Variants in PHKA2 observed in about 807,000 individuals in gnomAD.
PHKA2 encodes phosphorylase b kinase regulatory subunit alpha, liver isoform.
A neutral mutation model predicts 102.0 loss-of-function variants in PHKA2; 31 were observed. The observed-to-expected ratio is 0.30, with a 90% CI of 0.23 to 0.41. The LOEUF is 0.41. Among genes scored for constraint, PHKA2 ranks in the 10% least tolerant of loss-of-function variants. The probability of loss-of-function intolerance (pLI) is 1.00; values close to 1 mark genes in which losing one functional copy is unlikely to be tolerated. For synonymous variants in PHKA2, 455 were observed against 416.2 expected (o/e 1.09, Z -1.13); for missense variants, 858 against 1,023.1 (o/e 0.84, Z 2.20).
At chrX:18,942,888 C>T (rs377590857) in intron 7 of PHKA2, among the ~76,000 whole-genome samples, 4 of 108,146 alleles carry the variant, frequency 3.7e-5, no homozygotes, top group South Asian at 4.1e-4. Context: ...CAAGAAATAC[C>T]GGGACTACCT....
chrX:18,894,537 G>T, intron 31 of PHKA2, 133 bp from the exon 32 acceptor site: 1 of 563,190 alleles, frequency 1.8e-6, no homozygotes, highest in Non-Finnish European at 3.0e-6. Flanking sequence ...CCCTTTTCTG[G>T]CCACTCCCTG....
At position 18,892,981 on chromosome X, in the gene PHKA2, G is replaced by C. The variant is rs2047454013; in HGVS notation, c.*504C>G. On this transcript the variant is annotated 3_prime_UTR_variant, in exon 33 of 33. Transcript: ENST00000379942. ...CAAGAAAACCCCCATTCCACAGAGAGACACAAGTGTTCTATTTGGTGAAGA... is the reference window on the plus strand; with the variant it reads ...CAAGAAAACCCCCATTCCACAGAGACACACAAGTGTTCTATTTGGTGAAGA... 1 of 132,836 alleles carries C rather than the reference G, an allele frequency of 7.5e-6. No individual in the cohort carries two copies. Among genetic ancestry groups the C allele is most frequent in the Non-Finnish European group, 1.5e-5 (1 of 65,201 alleles). 10.9% of individuals were successfully genotyped at this position (132,836 alleles called of 1,213,427 possible). A position where few individuals can be genotyped will look rare whatever the true frequency, so the allele number is the denominator to read the frequency against.
At chrX:18,929,752 T>G (rs778966577) in intron 12 of PHKA2, among the ~76,000 whole-genome samples, 1 of 111,788 alleles carries the variant, frequency 8.9e-6, no homozygotes, top group African/African-American at 3.3e-5. Flanking sequence ...CTCCTGCCTC[T>G]CTCTCTCAGT....
rs2047677292 is a variant in PHKA2 at position 18,901,360 on chromosome X, G to A, written c.3027+125C>T. The A allele has an allele frequency of 5.4e-6, 3 of 556,733 alleles. No individual in the cohort carries two copies. The Admixed American group carries it at 6.7e-5, about 12-fold the overall frequency. 45.9% of individuals were successfully genotyped at this position (556,733 alleles called of 1,213,427 possible). A position where few individuals can be genotyped will look rare whatever the true frequency, so the allele number is the denominator to read the frequency against. On this transcript the variant is annotated intron_variant, in intron 27 of 32. Transcript: ENST00000379942. ...CAGGGGTGTGTTCAGATCCCAGACA[G>A]AAGGGACCTCCCACTCTACAGACAG...
chrX:18,900,795 G>A (rs2047666159), intron 27 of PHKA2, 96 bp from the exon 28 acceptor site: 1 of 759,352 alleles, frequency 1.3e-6, no homozygotes, highest in African/African-American at 2.1e-5. Flanking sequence ...GGCCGTGTTG[G>A]TCAAACCGCA....
intron 21 of PHKA2, among the ~76,000 whole-genome samples, chrX:18,908,389 G>A (rs964307674): frequency 1.8e-5 from 2 of 112,078 alleles, no homozygotes; most frequent in African/African-American, 6.5e-5. Context: ...AGAATACTAC[G>A]GAAAAAATTA....
At position 18,901,567 on chromosome X, in the gene PHKA2, A is replaced by T; in HGVS notation, c.2945T>A (p.Ile982Asn). 8.3e-7 allele frequency: 1 copy of T among 1,203,337 alleles called. No homozygotes were observed. Among genetic ancestry groups the T allele is most frequent in the South Asian group, 1.8e-5 (1 of 56,812 alleles). Residue 982 changes from isoleucine (I) to asparagine (N), a missense_variant, in exon 27 of 33, where the codon ATC (isoleucine) becomes AAC (asparagine). Ile to Asn is a moderately radical substitution (Grantham distance 149, BLOSUM62 -3). Transcript: ENST00000379942. ...PIHSSTSSPT[I>N]SIHEVGHTGV... ...GGTATGGCCCACCTCGTGGATGGAGATGGTAGGGCTGGATGTGGAGGAGTG... is the reference window on the plus strand; with the variant it reads ...GGTATGGCCCACCTCGTGGATGGAGTTGGTAGGGCTGGATGTGGAGGAGTG...
chrX:18,919,492 C>A (rs2048077692), intron 18 of PHKA2, among the ~76,000 whole-genome samples: 1 of 109,747 alleles, frequency 9.1e-6, no homozygotes, highest in South Asian at 3.9e-4. Context: ...ATCAGTTGAG[C>A]CCAGGAGTTT....
At chrX:18,946,408 C>T (rs947007875) in intron 5 of PHKA2, among the ~76,000 whole-genome samples, 2 of 110,985 alleles carry the variant, frequency 1.8e-5, no homozygotes, top group African/African-American at 6.6e-5. Flanking sequence ...TCAAAAACTG[C>T]TTTGATTGCT....
chrX:18,969,916 CTTTT>C (rs1183901562), intron 1 of PHKA2, among the ~76,000 whole-genome samples: 1 of 112,323 alleles, frequency 8.9e-6, no homozygotes, highest in African/African-American at 3.2e-5. Flanking sequence ...CTATAACTTG[CTTTT>C]TTTACTCGTC....
In PHKA2 at chrX:18,906,724, C is replaced by T; in HGVS notation, c.2676+12G>A. 8.3e-7 allele frequency: 1 copy of T among 1,208,294 alleles called. No individual in the cohort carries two copies. The highest frequency in any genetic ancestry group is 1.8e-5 in the South Asian group (1 of 56,939). ...AGGCTGTGGCCCGACCCCTCCCACA[C>T]CAGCCCCAGACCTGCGTGAGGACGG... On this transcript the variant is annotated intron_variant, in intron 24 of 32. Transcript: ENST00000379942.
At chrX:18,912,843 G>A (rs956621335) in intron 19 of PHKA2, among the ~76,000 whole-genome samples, 2 of 110,893 alleles carry the variant, frequency 1.8e-5, no homozygotes, top group Non-Finnish European at 3.8e-5. Flanking sequence ...CCTGGGAGGC[G>A]AAGATTATGG....
intron 11 of PHKA2, among the ~76,000 whole-genome samples, chrX:18,931,986 C>T (rs905298772): frequency 8.9e-6 from 1 of 112,269 alleles, no homozygotes; most frequent in Non-Finnish European, 1.9e-5. Flanking sequence ...TACAGGCACA[C>T]GCAAGGCCAC....
At chrX:18,966,025 C>T (rs1308710966) in intron 1 of PHKA2, among the ~76,000 whole-genome samples, 5 of 106,380 alleles carry the variant, frequency 4.7e-5, no homozygotes, top group Non-Finnish European at 9.6e-5. Flanking sequence ...TGTCAGCTCA[C>T]GAGAAGAATT....
rs1489931664 is a variant in PHKA2, at chrX:18,936,047, TG to T, written c.1137+7del. 8.5e-7 allele frequency: 1 copy of T among 1,175,309 alleles called. No homozygotes were observed. The highest frequency in any genetic ancestry group is 2.2e-5 in the Admixed American group (1 of 45,983). On this transcript the variant is annotated splice_region_variant and intron_variant, in intron 11 of 32. Transcript: ENST00000379942. Reference sequence around the variant, plus strand: ...AGCGGTGCAAAGGGCCCTCTGCCACTGGGTTACCTTGTTAGGCGGGACAGCG... The same window carrying T: ...AGCGGTGCAAAGGGCCCTCTGCCACTGGTTACCTTGTTAGGCGGGACAGCG...
At chrX:18,967,222 G>A (rs1326869625) in intron 1 of PHKA2, among the ~76,000 whole-genome samples, 2 of 111,175 alleles carry the variant, frequency 1.8e-5, no homozygotes, top group Non-Finnish European at 3.8e-5. Context: ...CAAGTCAGTG[G>A]AGCCTGTTAC....
intron 26 of PHKA2, 42 bp from the exon 27 acceptor site, chrX:18,901,645 A>G: frequency 2.2e-6 from 2 of 913,161 alleles, no homozygotes; most frequent in Non-Finnish European, 3.2e-6. Flanking sequence ...GGAACTCTAC[A>G]GCATCCAACC....
intron 6 of PHKA2, among the ~76,000 whole-genome samples, chrX:18,944,846 AC>A (rs1282854119): frequency 8.9e-6 from 1 of 112,314 alleles, no homozygotes; most frequent in Admixed American, 9.5e-5. Context: ...GCAGCAGCTA[AC>A]CAGGACGGAG....
In PHKA2 at chrX:18,905,962, T is replaced by C. The variant is rs2239440; in HGVS notation, c.2807-103A>G. ...GGGAGGGAGGTGATAGCAGATGCCA[T>C]GGCAGGTCCCCCTGTTCAGGAGAAC... On this transcript the variant is annotated intron_variant, in intron 25 of 32. Coordinates refer to ENST00000379942, the MANE Select transcript of PHKA2 (RefSeq NM_000292.3). 2,218 of 563,818 alleles carry C rather than the reference T, an allele frequency of 3.9e-3. 39 individuals carry two copies. In the East Asian group the frequency reaches 0.062, roughly 16 times the overall value. 46.5% of individuals were successfully genotyped at this position (563,818 alleles called of 1,213,427 possible).
Sources: gnomAD v4.1 joint callset for allele counts (sites outside exome capture counted in the v4.1 genomes callset) on GRCh38, gnomAD v4.1.1 for gene constraint, MANE v1.5 for transcripts, NCBI Gene and HGNC (gene_info 2026-07-23, HGNC 2026-07-21) for gene names.